The following GRID2 variants were observed in gnomAD, a reference collection of about 807,000 sequenced individuals.
GRID2 encodes glutamate ionotropic receptor delta type subunit 2.
GRID2 carries 33 observed loss-of-function variants against 114.8 expected under a neutral mutation model. The ratio of observed to expected loss-of-function variants is 0.29; its 90% CI spans 0.22 to 0.38. The LOEUF (loss-of-function observed/expected upper bound fraction) is 0.38, where lower values mean the gene tolerates loss of function less well. Among genes scored for constraint, GRID2 ranks in the 10% least tolerant of loss-of-function variants. The probability of loss-of-function intolerance (pLI) is 1.00; values close to 1 mark genes in which losing one functional copy is unlikely to be tolerated. For synonymous variants in GRID2, 505 were observed against 449.9 expected (o/e 1.12, Z -1.55); for missense variants, 1,184 against 1,257.7 (o/e 0.94, Z 0.89).
At chr4:93,647,442 G>C (rs904131985) in intron 14 of GRID2, among the ~76,000 whole-genome samples, 1 of 152,174 alleles carries the variant, frequency 6.6e-6, no homozygotes, top group Non-Finnish European at 1.5e-5. Context: ...TCCATCCATG[G>C]TGAGTGAGAC....
At chr4:93,476,605 CTT>C (rs1725342726) in intron 11 of GRID2, among the ~76,000 whole-genome samples, 6 of 152,048 alleles carry the variant, frequency 3.9e-5, no homozygotes, top group Admixed American at 3.9e-4. Context: ...TTGGTTTCTC[CTT>C]TTTATTTTTT....
At chr4:92,880,741 AC>A (rs1745943644) in intron 2 of GRID2, among the ~76,000 whole-genome samples, 2 of 152,026 alleles carry the variant, frequency 1.3e-5, no homozygotes, top group Admixed American at 6.6e-5. Flanking sequence ...TTTATTTTGG[AC>A]ATAATTTTGC....
intron 14 of GRID2, among the ~76,000 whole-genome samples, chr4:93,669,688 T>C (rs200937065): frequency 1.1e-4 from 17 of 152,164 alleles, no homozygotes; most frequent in African/African-American, 4.1e-4. Context: ...TTTTATTTCA[T>C]GTAGCAATTT....
intron 2 of GRID2, among the ~76,000 whole-genome samples, chr4:93,059,514 C>T (rs549882880): frequency 1.3e-5 from 2 of 152,144 alleles, no homozygotes; most frequent in Admixed American, 6.6e-5. Flanking sequence ...TCAAGTGTCA[C>T]CTGGGGGAGC....
At chr4:92,579,980 G>T (rs1225407832) in intron 1 of GRID2, among the ~76,000 whole-genome samples, 8 of 139,310 alleles carry the variant, frequency 5.7e-5, no homozygotes, top group Non-Finnish European at 7.9e-5. Flanking sequence ...TTTTATATAT[G>T]TATATGTATT....
intron 2 of GRID2, among the ~76,000 whole-genome samples, chr4:92,736,375 T>C (rs938807259): frequency 2.0e-5 from 3 of 152,134 alleles, no homozygotes; most frequent in Non-Finnish European, 2.9e-5. Flanking sequence ...GAATTTGGAA[T>C]TCTGATTTGA....
rs202220374 is a variant in GRID2, at chr4:93,567,748, AG to A, written c.2193+52338del. On this transcript the variant is annotated intron_variant, in intron 13 of 15. Coordinates refer to ENST00000282020, the MANE Select transcript of GRID2 (RefSeq NM_001510.4). ...GTGGTCCATTCTCCTCTTGAGACTT[AG>A]AGAATGGAACAGTAACCTTGTGACC... Among the ~76,000 whole-genome samples the A allele has an allele frequency of 1.0e-3, 155 of 152,322 alleles. 3 individuals carry two copies. The East Asian group carries it at 0.027, about 27-fold the overall frequency.
chr4:92,474,719 A>G (rs1204985657), intron 1 of GRID2, among the ~76,000 whole-genome samples: 1 of 151,672 alleles, frequency 6.6e-6, no homozygotes, highest in Non-Finnish European at 1.5e-5. Flanking sequence ...GTGATATCTC[A>G]TTGTAGTTTT....
At chr4:93,095,543 T>A (rs1731142526) in intron 3 of GRID2, among the ~76,000 whole-genome samples, 1 of 152,030 alleles carries the variant, frequency 6.6e-6, no homozygotes, top group Admixed American at 6.6e-5. Context: ...TACATAATAA[T>A]GCACATAGAA....
At position 92,903,445 on chromosome 4, in the gene GRID2, A is replaced by G. The variant is rs186729023; in HGVS notation, c.245-181550A>G. On this transcript the variant is annotated intron_variant, in intron 2 of 15. Transcript: ENST00000282020. ...TTGTCAGACTTAATCTTAGCAAAGGATTCAATACCCACACATTAAGAATAT... is the reference window on the plus strand; with the variant it reads ...TTGTCAGACTTAATCTTAGCAAAGGGTTCAATACCCACACATTAAGAATAT... 3.1e-3 allele frequency among the ~76,000 whole-genome samples: 467 copies of G among 152,066 alleles called. 1 individual carries two copies. Among genetic ancestry groups the G allele is most frequent in the Non-Finnish European group, 3.9e-3 (268 of 67,868 alleles).
intron 2 of GRID2, among the ~76,000 whole-genome samples, chr4:92,764,028 A>C (rs955076196): frequency 1.3e-5 from 2 of 152,224 alleles, no homozygotes; most frequent in African/African-American, 4.8e-5. Flanking sequence ...GAGTAGACTC[A>C]TCAGGAACCA....
chr4:93,106,216 T>A (rs1046778583), intron 3 of GRID2, among the ~76,000 whole-genome samples: 11 of 152,222 alleles, frequency 7.2e-5, no homozygotes, highest in Non-Finnish European at 1.0e-4. Flanking sequence ...AACCATATAT[T>A]CTTTATTTTG....
chr4:92,660,131 T>C (rs1173299183), intron 2 of GRID2, among the ~76,000 whole-genome samples: 2 of 151,384 alleles, frequency 1.3e-5, no homozygotes, highest in African/African-American at 4.8e-5. Context: ...GTAGAAATCA[T>C]GCATGCAATA....
At chr4:93,240,335 A>G (rs1044593628) in intron 8 of GRID2, among the ~76,000 whole-genome samples, 1 of 151,604 alleles carries the variant, frequency 6.6e-6, no homozygotes, top group Non-Finnish European at 1.5e-5. Flanking sequence ...GGTGGATATA[A>G]TGATATATCC....
chr4:93,784,692 A>G (rs1216255213), intron 1 of GRID2, among the ~76,000 whole-genome samples: 1 of 151,086 alleles, frequency 6.6e-6, no homozygotes, highest in Non-Finnish European at 1.5e-5. Context: ...ATCGCAGAAC[A>G]TACAGACATG....
intron 13 of GRID2, among the ~76,000 whole-genome samples, chr4:93,584,157 C>T (rs1737296548): frequency 6.6e-6 from 1 of 152,016 alleles, no homozygotes; most frequent in South Asian, 2.1e-4. Context: ...AATGAATTTA[C>T]CTTGGGAAAA....
intron 2 of GRID2, among the ~76,000 whole-genome samples, chr4:92,611,132 ATGTGTGTGTGTGCATGTGTG>A (rs1253620498): frequency 7.5e-6 from 1 of 133,660 alleles, no homozygotes; most frequent in Non-Finnish European, 1.6e-5. Flanking sequence ...GTGTGTGTGC[ATGTGTGTGTGTGCATGTGTG>A]TGTGTGTGTG....
intron 2 of GRID2, among the ~76,000 whole-genome samples, chr4:93,022,703 TC>T (rs1723495784): frequency 6.6e-6 from 1 of 151,986 alleles, no homozygotes. Context: ...AATCTACCTT[TC>T]TTTAATTATA....
Position 93,770,864 on chromosome 4 carries a change from C to T in GRID2, c.2602-1212C>T, listed in dbSNP as rs76584399. On this transcript the variant is annotated intron_variant, in intron 15 of 15. Coordinates refer to ENST00000282020, the MANE Select transcript of GRID2 (RefSeq NM_001510.4). ...GACTACATTACAGTTGCTGTGGGAA[C>T]CATAAAATTATATGTCTCAATCCTC... is the stretch of plus-strand genomic sequence containing the variant. Among the ~76,000 whole-genome samples, 414 of 152,090 alleles carry T rather than the reference C, an allele frequency of 2.7e-3. 4 individuals carry two copies. The highest frequency in any genetic ancestry group is 9.5e-3 in the African/African-American group (394 of 41,466).
Sources: allele counts gnomAD v4.1 joint callset (sites outside exome capture counted in the v4.1 genomes callset), GRCh38; gene constraint gnomAD v4.1.1; transcripts MANE v1.5; gene names NCBI Gene and HGNC (gene_info 2026-07-23, HGNC 2026-07-21).